FBXL17: variants seen among roughly 807,000 people sequenced by gnomAD.
The protein encoded by FBXL17 is F-box and leucine rich repeat protein 17, also known as F-box/LRR-repeat protein 17.
In FBXL17, 22 loss-of-function variants were observed where a neutral mutation model predicts 66.2. That is an observed-to-expected ratio of 0.33 (90% CI 0.24 to 0.47). FBXL17 has a LOEUF of 0.47. Among genes scored for constraint, FBXL17 ranks in the 20% least tolerant of loss-of-function variants. FBXL17 has a pLI of 1.00. For missense variants in FBXL17, 878 were observed against 948.2 expected (o/e 0.93, Z 0.97); for synonymous variants, 474 against 400.5 (o/e 1.18, Z -2.19).
chr5:108,045,062 T>C (rs1331924979), intron 6 of FBXL17, among the ~76,000 whole-genome samples: 1 of 152,328 alleles, frequency 6.6e-6, no homozygotes, highest in Non-Finnish European at 1.5e-5. Flanking sequence ...GTCAATTTTA[T>C]TGATCTTTTC....
chr5:107,968,684 A>G (rs1752247274), intron 7 of FBXL17, among the ~76,000 whole-genome samples: 1 of 152,176 alleles, frequency 6.6e-6, no homozygotes, highest in Non-Finnish European at 1.5e-5. Flanking sequence ...TGAATAATCC[A>G]AAAATAAATA....
chr5:108,290,487 T>G (rs563312483), intron 4 of FBXL17, among the ~76,000 whole-genome samples: 1 of 152,304 alleles, frequency 6.6e-6, no homozygotes, highest in Admixed American at 6.5e-5. Context: ...ATTATTTGGC[T>G]CTTCTTGCTA....
intron 6 of FBXL17, among the ~76,000 whole-genome samples, chr5:108,131,994 T>C (rs965774424): frequency 6.8e-6 from 1 of 146,280 alleles, no homozygotes; most frequent in African/African-American, 2.5e-5. Context: ...TTTTTTTTTT[T>C]AGGCGGAGTT....
At chr5:108,229,792 G>A (rs527532515) in intron 4 of FBXL17, among the ~76,000 whole-genome samples, 1 of 152,158 alleles carries the variant, frequency 6.6e-6, no homozygotes, top group South Asian at 2.1e-4. Flanking sequence ...CCCAAACAGT[G>A]GGAGAAAATC....
At chr5:108,331,993 C>A (rs769982985) in intron 4 of FBXL17, among the ~76,000 whole-genome samples, 4 of 152,038 alleles carry the variant, frequency 2.6e-5, no homozygotes, top group Non-Finnish European at 5.9e-5. Flanking sequence ...ATAGTATCAA[C>A]CAGTTCATCA....
At chr5:108,039,911 A>T (rs908259648) in intron 6 of FBXL17, among the ~76,000 whole-genome samples, 2 of 152,208 alleles carry the variant, frequency 1.3e-5, no homozygotes, top group Non-Finnish European at 2.9e-5. Context: ...AGAATTCTCC[A>T]TCATACATTT....
At position 108,282,496 on chromosome 5, in the gene FBXL17, G is replaced by A. The variant is rs186200285; in HGVS notation, c.1507-58268C>T. Among the ~76,000 whole-genome samples, 209 of 151,580 alleles carry A rather than the reference G, an allele frequency of 1.4e-3. 1 individual carries two copies. Among genetic ancestry groups the A allele is most frequent in the African/African-American group, 4.4e-3 (184 of 41,456 alleles). On this transcript the variant is annotated intron_variant, in intron 4 of 8. Coordinates refer to ENST00000542267, the MANE Select transcript of FBXL17 (RefSeq NM_001163315.3). ...TCATGATAAAAACCCTAACAAAACA[G>A]ACAGAGAAGAAACACACCTCAAAGT...
intron 5 of FBXL17, among the ~76,000 whole-genome samples, chr5:108,200,100 G>C (rs904551355): frequency 6.6e-6 from 1 of 152,156 alleles, no homozygotes; most frequent in Non-Finnish European, 1.5e-5. Context: ...GCCAACACAA[G>C]TTGGAGCTGC....
At chr5:108,189,134 A>G (rs897551680) in intron 5 of FBXL17, among the ~76,000 whole-genome samples, 3 of 152,084 alleles carry the variant, frequency 2.0e-5, no homozygotes, top group Admixed American at 6.6e-5. Flanking sequence ...ACATTTATCA[A>G]CTCACTAGTT....
chr5:108,361,206 T>G (rs1166397486), intron 3 of FBXL17, among the ~76,000 whole-genome samples: 5 of 152,182 alleles, frequency 3.3e-5, no homozygotes, highest in Non-Finnish European at 5.9e-5. Flanking sequence ...GATTATAATG[T>G]GGTAACTTGG....
intron 6 of FBXL17, among the ~76,000 whole-genome samples, chr5:108,048,458 G>C (rs191617107): frequency 6.6e-6 from 1 of 152,060 alleles, no homozygotes; most frequent in African/African-American, 2.4e-5. Context: ...AAGATGAGAC[G>C]GACAAACTGA....
chr5:108,381,324 G>A lies in FBXL17; in HGVS notation c.368C>T (p.Ser123Leu). Residue 123 changes from serine (S) to leucine (L), a missense_variant, in exon 1 of 9, where the codon TCG becomes TTG. Coordinates refer to ENST00000542267, the MANE Select transcript of FBXL17 (RefSeq NM_001163315.3). ...AAAARRFLLS[S>L]AAAAAAAAAS... ...GGCAGCGGCGGCGGCGGCGGCGGCCGAGGATAGCAGGAAGCGGCGGGCAGC... is the reference window on the plus strand; with the variant it reads ...GGCAGCGGCGGCGGCGGCGGCGGCCAAGGATAGCAGGAAGCGGCGGGCAGC... 1 of 1,384,628 alleles carries A rather than the reference G, an allele frequency of 7.2e-7. No homozygotes were observed. The highest frequency in any genetic ancestry group is 9.3e-7 in the Non-Finnish European group (1 of 1,075,262). 85.8% of individuals were successfully genotyped at this position (1,384,628 alleles called of 1,614,324 possible).
At chr5:108,001,101 C>T (rs555333179) in intron 7 of FBXL17, among the ~76,000 whole-genome samples, 1 of 152,114 alleles carries the variant, frequency 6.6e-6, no homozygotes, top group Non-Finnish European at 1.5e-5. Flanking sequence ...CCTCAAAGCC[C>T]TAAATAACCT....
intron 6 of FBXL17, among the ~76,000 whole-genome samples, chr5:108,062,515 C>T (rs1423922351): frequency 6.6e-6 from 1 of 152,098 alleles, no homozygotes; most frequent in Non-Finnish European, 1.5e-5. Flanking sequence ...AGGAGAGAAT[C>T]TCTAAAGGAA....
intron 4 of FBXL17, chr5:108,298,074 C>A (rs1210296931): frequency 1.0e-6 from 1 of 978,510 alleles, no homozygotes; most frequent in Non-Finnish European, 1.2e-6. Flanking sequence ...TGAATTGCCA[C>A]AAATACCCAT....
At chr5:108,351,432 T>C (rs1747650047) in intron 3 of FBXL17, among the ~76,000 whole-genome samples, 1 of 152,184 alleles carries the variant, frequency 6.6e-6, no homozygotes, top group Non-Finnish European at 1.5e-5. Context: ...TGATTCCCGG[T>C]CTCTCCACTG....
intron 7 of FBXL17, among the ~76,000 whole-genome samples, chr5:107,956,610 G>A (rs1009190661): frequency 9.9e-5 from 15 of 152,174 alleles, no homozygotes; most frequent in Admixed American, 2.6e-4. Flanking sequence ...GAAAATTTAC[G>A]TTAAGAGTCT....
At chr5:107,893,040 A>G (rs894354072) in intron 7 of FBXL17, among the ~76,000 whole-genome samples, 3 of 152,154 alleles carry the variant, frequency 2.0e-5, no homozygotes, top group Non-Finnish European at 4.4e-5. Flanking sequence ...TCTCAAGTCC[A>G]GCAATTATTT....
intron 6 of FBXL17, among the ~76,000 whole-genome samples, chr5:108,136,483 TG>T (rs1389354523): frequency 6.6e-6 from 1 of 152,156 alleles, no homozygotes; most frequent in Non-Finnish European, 1.5e-5. Flanking sequence ...GGGTTGTGGA[TG>T]TAAGAACTAG....
Sources: gnomAD v4.1 joint callset for allele counts (sites outside exome capture counted in the v4.1 genomes callset) on GRCh38, gnomAD v4.1.1 for gene constraint, MANE v1.5 for transcripts, NCBI Gene and HGNC (gene_info 2026-07-23, HGNC 2026-07-21) for gene names.